Variants in COG3 observed in about 807,000 individuals in gnomAD.
COG3 encodes component of oligomeric golgi complex 3.
A neutral mutation model predicts 114.1 loss-of-function variants in COG3; 32 were observed. The ratio of observed to expected loss-of-function variants is 0.28; its 90% CI spans 0.21 to 0.38. The LOEUF (loss-of-function observed/expected upper bound fraction) is 0.38, where lower values mean the gene tolerates loss of function less well. COG3 is among the 10% of genes least tolerant of loss of function. The probability of loss-of-function intolerance (pLI) is 1.00; values close to 1 mark genes in which losing one functional copy is unlikely to be tolerated. For synonymous variants in COG3, 352 were observed against 365.7 expected (o/e 0.96, Z 0.43); for missense variants, 813 against 973.2 (o/e 0.84, Z 2.19).
intron 14 of COG3, among the ~76,000 whole-genome samples, chr13:45,508,211 A>G (rs2137875199): frequency 6.6e-6 from 1 of 150,922 alleles, no homozygotes; most frequent in South Asian, 2.1e-4. Flanking sequence ...CCATTTATAA[A>G]AAGGAATTAA....
At chr13:45,534,378 A>G (rs1269584695) in intron 22 of COG3, 5 of 222,682 alleles carry the variant, frequency 2.2e-5, no homozygotes, top group African/African-American at 1.1e-4. Context: ...GCCAGTGCCC[A>G]GTGGCTGCCT....
In COG3 at chr13:45,505,717, C is replaced by T. The variant is rs1870067858; in HGVS notation, c.1594+2368C>T. The stretch of plus-strand genomic sequence containing the variant: ...CAAGCAATCCTCCTGTTTTGGCCTC[C>T]CAAAGTGCTGGGATTACAGGCATGG... On this transcript the variant is annotated intron_variant, in intron 14 of 22. Transcript: ENST00000349995. 2.0e-5 allele frequency among the ~76,000 whole-genome samples: 3 copies of T among 152,122 alleles called. No individual in the cohort carries two copies. In the South Asian group the frequency reaches 6.2e-4, roughly 32 times the overall value.
chr13:45,534,190 C>G (rs575403541), intron 22 of COG3, among the ~76,000 whole-genome samples: 1 of 152,264 alleles, frequency 6.6e-6, no homozygotes, highest in Admixed American at 6.5e-5. Context: ...ACTTAAAGGA[C>G]AGCTTACAAC....
At chr13:45,506,188 G>T (rs1291741899) in intron 14 of COG3, among the ~76,000 whole-genome samples, 1 of 152,200 alleles carries the variant, frequency 6.6e-6, no homozygotes, top group Non-Finnish European at 1.5e-5. Flanking sequence ...AAAGGATGAG[G>T]TGTAGTTGGT....
At chr13:45,519,144 G>C in intron 19 of COG3, 50 bp downstream of exon 19, 1 of 1,600,526 alleles carries the variant, frequency 6.2e-7, no homozygotes, top group Non-Finnish European at 8.5e-7. Flanking sequence ...TTCTTCCTTA[G>C]ATTTCCTTTT....
At chr13:45,497,538 C>T (rs1275789280) in intron 13 of COG3, among the ~76,000 whole-genome samples, 2 of 152,060 alleles carry the variant, frequency 1.3e-5, no homozygotes, top group African/African-American at 2.4e-5. Context: ...AATCACAGCA[C>T]TTTGAGAGGC....
chr13:45,474,508 C>T (rs748333146), intron 1 of COG3, among the ~76,000 whole-genome samples: 2 of 152,006 alleles, frequency 1.3e-5, no homozygotes, highest in East Asian at 1.9e-4. Flanking sequence ...ACAGTGTATC[C>T]GTATCAGCTA....
chr13:45,467,074 T>TG (rs1250862478), intron 1 of COG3, among the ~76,000 whole-genome samples: 20 of 152,286 alleles, frequency 1.3e-4, no homozygotes, highest in African/African-American at 4.3e-4. Flanking sequence ...GGATGAGGTG[T>TG]GCCCTTTTAG....
At chr13:45,504,448 G>A (rs745970997) in intron 14 of COG3, among the ~76,000 whole-genome samples, 14 of 152,004 alleles carry the variant, frequency 9.2e-5, no homozygotes, top group African/African-American at 1.7e-4. Context: ...TGCCAACCCC[G>A]GACTTGTGCG....
chr13:45,514,859 G>T (rs1420376781), intron 16 of COG3, among the ~76,000 whole-genome samples: 1 of 151,914 alleles, frequency 6.6e-6, no homozygotes, highest in African/African-American at 2.4e-5. Context: ...TGTTAGCCAG[G>T]ATGGTTTCTC....
chr13:45,499,253 T>C (rs1353479205), intron 13 of COG3, among the ~76,000 whole-genome samples: 1 of 152,188 alleles, frequency 6.6e-6, no homozygotes, highest in Non-Finnish European at 1.5e-5. Flanking sequence ...ATGTATTTAC[T>C]CATTTGCTTC....
intron 16 of COG3, among the ~76,000 whole-genome samples, chr13:45,512,535 GT>G (rs1401047112): frequency 6.6e-6 from 1 of 152,006 alleles, no homozygotes; most frequent in Non-Finnish European, 1.5e-5. Flanking sequence ...ATTTTGTCAT[GT>G]TGCTCAGGCT....
At chr13:45,509,486 G>A (rs1180795261) in intron 14 of COG3, among the ~76,000 whole-genome samples, 1 of 152,208 alleles carries the variant, frequency 6.6e-6, no homozygotes, top group African/African-American at 2.4e-5. Context: ...ATATTCATGT[G>A]TATTCTCAGT....
At position 45,519,113 on chromosome 13, in the gene COG3, A is replaced by G; in HGVS notation, c.2154+19A>G. On this transcript the variant is annotated intron_variant, in intron 19 of 22. Transcript: ENST00000349995. Reference sequence around the variant, plus strand: ...GACAAAGGTATAGACCTTGGTGCCTATGTGGTAAAGTCATTTTGCATTCTT... The same window carrying G: ...GACAAAGGTATAGACCTTGGTGCCTGTGTGGTAAAGTCATTTTGCATTCTT... The G allele has an allele frequency of 3.7e-6, 6 of 1,611,516 alleles. No homozygotes were observed. Among genetic ancestry groups the G allele is most frequent in the East Asian group, 2.2e-5 (1 of 44,868 alleles).
intron 12 of COG3, 132 bp downstream of exon 12, chr13:45,493,618 C>A: frequency 1.5e-6 from 1 of 671,616 alleles, no homozygotes; most frequent in Non-Finnish European, 2.3e-6. Flanking sequence ...TGATGCCTTA[C>A]CCCTTCTTGA....
rs533703855 is a variant in COG3, at chr13:45,500,639, A to G, written c.1489-2605A>G. ...ATATACCCTGCACCCAGTTGCTCCT[A>G]TTACCAAGATCTTCTGTTGGTATGA... On this transcript the variant is annotated intron_variant, in intron 13 of 22. Coordinates refer to ENST00000349995, the MANE Select transcript of COG3 (RefSeq NM_031431.4). 2.0e-4 allele frequency among the ~76,000 whole-genome samples: 30 copies of G among 152,352 alleles called. 1 individual carries two copies. The South Asian group carries it at 2.9e-3, about 15-fold the overall frequency.
Position 45,480,185 on chromosome 13 carries a change from A to C in COG3, c.444A>C (p.Val148=). ...AGTGTGATGCTATATTGAATGATGT[A>C]AACAGTGCTCTTCAGCATCTGGAGT... The part of the protein sequence containing the change: ...QEQCDAILND[V]NSALQHLESL... Residue 148 remains valine (V), a synonymous_variant, in exon 4 of 23, where the codon GTA becomes GTC. Coordinates refer to ENST00000349995, the MANE Select transcript of COG3 (RefSeq NM_031431.4). 1.2e-6 allele frequency: 2 copies of C among 1,613,746 alleles called. No individual in the cohort carries two copies. Among genetic ancestry groups the C allele is most frequent in the Non-Finnish European group, 1.7e-6 (2 of 1,179,696 alleles).
chr13:45,465,235 CCGGG>C (rs773183513), intron 1 of COG3, 25 bp downstream of exon 1: 4 of 1,610,110 alleles, frequency 2.5e-6, no homozygotes, highest in Non-Finnish European at 3.4e-6. Context: ...AGGAACCGGG[CCGGG>C]GCGATGGGGC....
intron 1 of COG3, among the ~76,000 whole-genome samples, chr13:45,472,620 C>G (rs1885594040): frequency 6.6e-6 from 1 of 152,032 alleles, no homozygotes; most frequent in African/African-American, 2.4e-5. Context: ...TAACTGTGTT[C>G]TGTGTACTGA....
Sources: allele counts gnomAD v4.1 joint callset (sites outside exome capture counted in the v4.1 genomes callset), GRCh38; gene constraint gnomAD v4.1.1; transcripts MANE v1.5; gene names NCBI Gene and HGNC (gene_info 2026-07-23, HGNC 2026-07-21).